Variants in MOGAT3 observed in about 807,000 individuals in gnomAD.
MOGAT3 encodes 2-acylglycerol O-acyltransferase 3.
In MOGAT3, 39 loss-of-function variants were observed where a neutral mutation model predicts 34.4. The observed-to-expected ratio is 1.13, with a 90% CI of 0.88 to 1.48. MOGAT3 has a LOEUF of 1.48. MOGAT3 is among the 40% of genes most tolerant of loss of function. MOGAT3 has a pLI of 0.00. For missense variants in MOGAT3, 439 were observed against 438.9 expected (o/e 1.00, Z 0.00); for synonymous variants, 209 against 179.2 (o/e 1.17, Z -1.33).
chr7:101,200,342 G>A, intron 2 of MOGAT3, 38 bp from the exon 3 acceptor site: 5 of 1,611,498 alleles, frequency 3.1e-6, no homozygotes, highest in Non-Finnish European at 4.2e-6. Context: ...AACCCCCGGA[G>A]TCACCTCCCC....
rs1160137625 is a variant in MOGAT3, at chr7:101,200,997, GCGT to G, written c.-146_-144del. 1 of 622,322 alleles carries G rather than the reference GCGT, an allele frequency of 1.6e-6. No individual in the cohort carries two copies. Among genetic ancestry groups the G allele is most frequent in the Non-Finnish European group, 2.9e-6 (1 of 349,682 alleles). The allele number at this position is 622,322 out of a possible 1,614,324, so 38.6% of individuals were successfully genotyped here. On this transcript the variant is annotated 5_prime_UTR_variant, in exon 1 of 7. Transcript: ENST00000223114. ...AAGTCGCAAATCACCTCCCAGAGTA[GCGT>G]GTGTCCGTAGGTGTGTGAGTGGGGA...
intron 3 of MOGAT3, 100 bp from the exon 4 acceptor site, chr7:101,198,930 A>C: frequency 9.3e-7 from 1 of 1,074,658 alleles, no homozygotes; most frequent in Non-Finnish European, 1.4e-6. Context: ...AAAGGTTCTT[A>C]GGATAGGGTC....
At chr7:101,197,388 A>G (rs1174295704) in intron 5 of MOGAT3, among the ~76,000 whole-genome samples, 2 of 151,680 alleles carry the variant, frequency 1.3e-5, no homozygotes, top group Admixed American at 6.6e-5. Context: ...ATGTCTCCCT[A>G]TGTTGCCCAG....
chr7:101,197,939 G>A (rs1797838440), intron 5 of MOGAT3, among the ~76,000 whole-genome samples: 1 of 152,238 alleles, frequency 6.6e-6, no homozygotes, highest in Non-Finnish European at 1.5e-5. Flanking sequence ...GGAAGCCAGG[G>A]CTTCTGAGAC....
chr7:101,199,533 C>A (rs920082891), intron 3 of MOGAT3, among the ~76,000 whole-genome samples: 1 of 150,934 alleles, frequency 6.6e-6, no homozygotes, highest in African/African-American at 2.4e-5. Context: ...TCAGGCTGGT[C>A]TCGAACTCCT....
intron 3 of MOGAT3, among the ~76,000 whole-genome samples, chr7:101,199,913 T>G (rs928311346): frequency 9.9e-5 from 15 of 151,790 alleles, no homozygotes; most frequent in African/African-American, 3.4e-4. Flanking sequence ...GGCCAACATG[T>G]TGAAACCCTG....
chr7:101,200,557 T>C (rs1218392336), intron 1 of MOGAT3, 42 bp from the exon 2 acceptor site: 1 of 1,476,794 alleles, frequency 6.8e-7, no homozygotes, highest in African/African-American at 1.4e-5. Flanking sequence ...CTTCTGAAAC[T>C]CCATCATTCC....
At chr7:101,200,631 C>T in intron 1 of MOGAT3, 115 bp downstream of exon 1, 1 of 1,262,586 alleles carries the variant, frequency 7.9e-7, no homozygotes, top group Admixed American at 2.1e-5. Flanking sequence ...GGCCCTCTCC[C>T]AGACCAGTCA....
chr7:101,196,294 G>GTGAGCTGGCACCAAAGC lies in MOGAT3; in HGVS notation c.763_764insGCTTTGGTGCCAGCTCA (p.Thr255SerfsTer68). On this transcript the variant is annotated frameshift_variant, in exon 6 of 7. Transcript: ENST00000223114. LOFTEE classifies it high-confidence loss of function. ...AGAGAAGCCCATGAGCTTCTTGAAGGTGAGCTGGCACCAATGCTGCCAGGA... is the reference window on the plus strand; with the variant it reads ...AGAGAAGCCCATGAGCTTCTTGAAGGTGAGCTGGCACCAAAGCTGAGCTGGCACCAATGCTGCCAGGA... 6.2e-7 allele frequency: 1 copy of GTGAGCTGGCACCAAAGC among 1,613,806 alleles called. No homozygotes were observed. Among genetic ancestry groups the GTGAGCTGGCACCAAAGC allele is most frequent in the Non-Finnish European group, 8.5e-7 (1 of 1,179,854 alleles).
At position 101,198,860 on chromosome 7, in the gene MOGAT3, G is replaced by A. The variant is rs768124944; in HGVS notation, c.289-30C>T. ...GGGGTGTTGAGCAGGATGAAGGGAG[G>A]ATGGAAGGCAAGACACCGGCTGAAA... On this transcript the variant is annotated intron_variant, in intron 3 of 6. Coordinates refer to ENST00000223114, the MANE Select transcript of MOGAT3 (RefSeq NM_178176.4). The A allele has an allele frequency of 1.9e-6, 3 of 1,604,684 alleles. No homozygotes were observed. In the Admixed American group the frequency reaches 5.0e-5, roughly 27 times the overall value.
chr7:101,198,984 A>G (rs1797880832), intron 3 of MOGAT3, among the ~76,000 whole-genome samples, 154 bp from the exon 4 acceptor site: 1 of 144,678 alleles, frequency 6.9e-6, no homozygotes, highest in African/African-American at 2.6e-5. Context: ...TTCTTAGGAT[A>G]GGGTTAAGGG....
Position 101,195,942 on chromosome 7 carries a change from A to T in MOGAT3, c.*4T>A. 6.2e-7 allele frequency: 1 copy of T among 1,614,120 alleles called. No homozygotes were observed. Among genetic ancestry groups the T allele is most frequent in the Non-Finnish European group, 8.5e-7 (1 of 1,180,016 alleles). On this transcript the variant is annotated 3_prime_UTR_variant, in exon 7 of 7. Transcript: ENST00000223114. Reference sequence around the variant, plus strand: ...AGGGGCTCAGCGAAAGGCCGCGGCCAGGCCTAGATGAAGGTGAGGCAGGTG... The same window carrying T: ...AGGGGCTCAGCGAAAGGCCGCGGCCTGGCCTAGATGAAGGTGAGGCAGGTG...
At position 101,200,505 on chromosome 7, in the gene MOGAT3, G is replaced by C; in HGVS notation, c.120C>G (p.Phe40Leu). 3 of 1,593,450 alleles carry C rather than the reference G, an allele frequency of 1.9e-6. No homozygotes were observed. The highest frequency in any genetic ancestry group is 2.7e-5 in the African/African-American group (2 of 74,506). Residue 40 changes from phenylalanine to leucine, a missense_variant, in exon 2 of 7, where the codon TTC becomes TTG. Phe to Leu is a conservative substitution (Grantham distance 22, BLOSUM62 0). Transcript: ENST00000223114. Reference sequence around the variant, plus strand: ...AGAGGAGGACAAAGACAAGAAGGGAGAAGAAAGGGCCTGGGGGAAGGGAGA... The same window carrying C: ...AGAGGAGGACAAAGACAAGAAGGGACAAGAAAGGGCCTGGGGGAAGGGAGA... Reference protein sequence around the residue: ...VLTFLFMGPFFSLLVFVLLFT... With the variant: ...VLTFLFMGPFLSLLVFVLLFT...
chr7:101,199,633 T>C (rs1229176504), intron 3 of MOGAT3, among the ~76,000 whole-genome samples: 1 of 96,766 alleles, frequency 1.0e-5, no homozygotes, highest in Non-Finnish European at 2.1e-5. Context: ...TTTTTTTTTT[T>C]AGAGACGGTC....
At chr7:101,193,710 G>T (rs1397536219), downstream of MOGAT3, among the ~76,000 whole-genome samples, 1 of 152,120 alleles carries the variant, frequency 6.6e-6, no homozygotes, top group African/African-American at 2.4e-5. Context: ...TTACAGGCAT[G>T]AGCCACCATG....
chr7:101,197,254 C>T (rs561423014), intron 5 of MOGAT3, among the ~76,000 whole-genome samples: 49 of 152,300 alleles, frequency 3.2e-4, no homozygotes, highest in African/African-American at 1.1e-3. Flanking sequence ...GCAATCATAG[C>T]TCACTGCAGC....
downstream of MOGAT3, among the ~76,000 whole-genome samples, chr7:101,193,912 T>G (rs1387034360): frequency 6.6e-6 from 1 of 152,196 alleles, no homozygotes; most frequent in Admixed American, 6.5e-5. Context: ...AATGAGTTAT[T>G]CTTGATGAAG....
downstream of MOGAT3, among the ~76,000 whole-genome samples, chr7:101,194,172 T>A (rs1170375852): frequency 6.6e-6 from 1 of 151,980 alleles, no homozygotes; most frequent in Non-Finnish European, 1.5e-5. Flanking sequence ...TTCTAGAATT[T>A]TTTTTTTCAT....
In MOGAT3 at chr7:101,195,930, A is replaced by C; in HGVS notation, c.*16T>G. On this transcript the variant is annotated 3_prime_UTR_variant, in exon 7 of 7. Coordinates refer to ENST00000223114, the MANE Select transcript of MOGAT3 (RefSeq NM_178176.4). ...TGCCTTGGGCTCAGGGGCTCAGCGA[A>C]AGGCCGCGGCCAGGCCTAGATGAAG... 6.2e-7 allele frequency: 1 copy of C among 1,613,900 alleles called. No individual in the cohort carries two copies. The highest frequency in any genetic ancestry group is 8.5e-7 in the Non-Finnish European group (1 of 1,179,956).
Sources: gnomAD v4.1 joint callset for allele counts (sites outside exome capture counted in the v4.1 genomes callset) on GRCh38, gnomAD v4.1.1 for gene constraint, MANE v1.5 for transcripts, NCBI Gene and HGNC (gene_info 2026-07-23, HGNC 2026-07-21) for gene names.